The following KIAA1549L variants were observed in gnomAD, a reference collection of about 807,000 sequenced individuals.
KIAA1549L encodes KIAA1549 like, also known as UPF0606 protein KIAA1549L.
In KIAA1549L, 88 loss-of-function variants were observed where a neutral mutation model predicts 160.7. The ratio of observed to expected loss-of-function variants is 0.55; its 90% confidence interval spans 0.46 to 0.65. KIAA1549L has a LOEUF of 0.65. KIAA1549L is among the 30% of genes least tolerant of loss of function. The pLI is 0.00. For missense variants in KIAA1549L, 2,258 were observed against 2,437.5 expected (o/e 0.93, Z 1.55); for synonymous variants, 950 against 976.7 (o/e 0.97, Z 0.51).
At chr11:33,651,213 CGGA>C (rs1851873921) in intron 17 of KIAA1549L, among the ~76,000 whole-genome samples, 1 of 152,052 alleles carries the variant, frequency 6.6e-6, no homozygotes, top group Non-Finnish European at 1.5e-5. Context: ...AATAGTCAGG[CGGA>C]TCACAAGGTC....
intron 15 of KIAA1549L, among the ~76,000 whole-genome samples, chr11:33,616,928 C>T (rs958380836): frequency 3.9e-5 from 6 of 151,956 alleles, no homozygotes; most frequent in African/African-American, 9.7e-5. Flanking sequence ...CTCTTGAGCC[C>T]CAGAATTCGA....
Position 33,384,108 on chromosome 11 carries a change from C to T in KIAA1549L, c.238+7219C>T, listed in dbSNP as rs78108975. 1.7e-4 allele frequency among the ~76,000 whole-genome samples: 26 copies of T among 152,294 alleles called. No homozygotes were observed. The East Asian group carries it at 2.5e-3, about 15-fold the overall frequency. ...AACATTTCTGTCACCTCAAAAAGTTCCCTCCTGCCCCTTGCAGTTAATCCA... is the reference window on the plus strand; with the variant it reads ...AACATTTCTGTCACCTCAAAAAGTTTCCTCCTGCCCCTTGCAGTTAATCCA... On this transcript the variant is annotated intron_variant, in intron 1 of 20. Coordinates refer to ENST00000658780, the MANE Select transcript of KIAA1549L (RefSeq NM_012194.3).
At chr11:33,402,273 CCA>C (rs1850517294) in intron 1 of KIAA1549L, among the ~76,000 whole-genome samples, 2 of 152,176 alleles carry the variant, frequency 1.3e-5, no homozygotes, top group South Asian at 4.1e-4. Flanking sequence ...AAGCCAGAAA[CCA>C]CAGAGTCATC....
At chr11:33,476,103 GA>G (rs1362425308) in intron 1 of KIAA1549L, among the ~76,000 whole-genome samples, 3 of 152,236 alleles carry the variant, frequency 2.0e-5, no homozygotes, top group Non-Finnish European at 4.4e-5. Flanking sequence ...CGGCAAGTTT[GA>G]ATGCTTCTCA....
intron 1 of KIAA1549L, among the ~76,000 whole-genome samples, chr11:33,439,091 T>C (rs572484269): frequency 7.4e-4 from 113 of 152,228 alleles, no homozygotes; most frequent in African/African-American, 2.5e-3. Context: ...CACTCCTGGC[T>C]AATTTTTTTG....
At chr11:33,381,746 T>C (rs1314576352) in intron 1 of KIAA1549L, among the ~76,000 whole-genome samples, 1 of 152,158 alleles carries the variant, frequency 6.6e-6, no homozygotes, top group Non-Finnish European at 1.5e-5. Flanking sequence ...GTTATTGAAA[T>C]CAATCTGCAG....
chr11:33,579,479 C>T (rs1271052580), intron 10 of KIAA1549L, among the ~76,000 whole-genome samples: 7 of 152,158 alleles, frequency 4.6e-5, no homozygotes. Context: ...ATGGGTTCTT[C>T]TCAACCTTCA....
chr11:33,668,966 T>C lies in KIAA1549L; in HGVS notation c.*812T>C, dbSNP rs959793380. 6.6e-6 allele frequency: 1 copy of C among 152,202 alleles called. No individual in the cohort carries two copies. The highest frequency in any genetic ancestry group is 1.5e-5 in the Non-Finnish European group (1 of 68,028). The allele number at this position is 152,202 out of a possible 1,614,324, so 9.4% of individuals were successfully genotyped here. ...GAAACACAGTTATTTGTGAAGGTTT[T>C]TCTTTGCCTTGTTTTGAAGGTGGCC... On this transcript the variant is annotated 3_prime_UTR_variant, in exon 21 of 21. Transcript: ENST00000658780.
intron 9 of KIAA1549L, among the ~76,000 whole-genome samples, chr11:33,573,869 A>G (rs1293442834): frequency 6.6e-6 from 1 of 152,194 alleles, no homozygotes; most frequent in Non-Finnish European, 1.5e-5. Context: ...AAAATTAGTA[A>G]CAGTCTAAAT....
chr11:33,610,038 A>C, intron 15 of KIAA1549L, 72 bp downstream of exon 15: 1 of 1,154,660 alleles, frequency 8.7e-7, no homozygotes, highest in South Asian at 1.3e-5. Context: ...TGGGCAGTAT[A>C]TCCTGGTTCC....
In KIAA1549L at chr11:33,586,910, C is replaced by T. The variant is rs1424547564; in HGVS notation, c.4566+3409C>T. On this transcript the variant is annotated intron_variant, in intron 11 of 20. Transcript: ENST00000658780. ...TTATGTACTGTGTTTAGTACTGTGC[C>T]ATTGATATCAAATGAGGCTGAAACT... is the stretch of plus-strand genomic sequence containing the variant. Among the ~76,000 whole-genome samples the T allele has an allele frequency of 3.9e-5, 6 of 152,194 alleles. No individual in the cohort carries two copies. In the East Asian group the frequency reaches 1.2e-3, roughly 29 times the overall value.
At chr11:33,636,901 C>T (rs554524560) in intron 16 of KIAA1549L, among the ~76,000 whole-genome samples, 1 of 152,282 alleles carries the variant, frequency 6.6e-6, no homozygotes, top group South Asian at 2.1e-4. Context: ...CACACACATA[C>T]ATGTACAGCA....
intron 9 of KIAA1549L, among the ~76,000 whole-genome samples, chr11:33,573,148 G>A (rs75050925): frequency 0.019 from 2,829 of 152,178 alleles, 86 homozygotes; most frequent in African/African-American, 0.065. Context: ...TAATTGTTAT[G>A]TATAGCATAT....
At chr11:33,515,815 G>T (rs142304558) in intron 1 of KIAA1549L, among the ~76,000 whole-genome samples, 60 of 152,060 alleles carry the variant, frequency 3.9e-4, no homozygotes, top group African/African-American at 1.4e-3. Context: ...GAAAAGTAAC[G>T]TGATGCATCT....
chr11:33,565,182 C>G (rs371473936), intron 8 of KIAA1549L, among the ~76,000 whole-genome samples: 1 of 152,138 alleles, frequency 6.6e-6, no homozygotes, highest in Non-Finnish European at 1.5e-5. Context: ...ATGCCCCTTT[C>G]TGCTGCCTTC....
chr11:33,500,598 A>G (rs1156270415), intron 1 of KIAA1549L, among the ~76,000 whole-genome samples: 4 of 152,224 alleles, frequency 2.6e-5, no homozygotes, highest in Admixed American at 1.3e-4. Flanking sequence ...TCAGTAGTAC[A>G]GTAGGGAAAT....
intron 1 of KIAA1549L, among the ~76,000 whole-genome samples, chr11:33,470,601 T>G (rs1386850072): frequency 6.6e-6 from 1 of 151,946 alleles, no homozygotes; most frequent in Non-Finnish European, 1.5e-5. Context: ...GCTAATATTT[T>G]TGTGTGTGTT....
chr11:33,607,457 T>A (rs1850536561), intron 14 of KIAA1549L, among the ~76,000 whole-genome samples: 1 of 152,210 alleles, frequency 6.6e-6, no homozygotes, highest in Non-Finnish European at 1.5e-5. Flanking sequence ...AGGTAAAAAT[T>A]ATCTGCATTT....
intron 1 of KIAA1549L, among the ~76,000 whole-genome samples, chr11:33,525,110 G>C (rs1046089608): frequency 6.6e-6 from 1 of 152,158 alleles, no homozygotes; most frequent in Non-Finnish European, 1.5e-5. Flanking sequence ...AACAGTGTGT[G>C]GGGACTCAAA....
Sources: allele counts gnomAD v4.1 joint callset (sites outside exome capture counted in the v4.1 genomes callset), GRCh38; gene constraint gnomAD v4.1.1; transcripts MANE v1.5; gene names NCBI Gene and HGNC (gene_info 2026-07-23, HGNC 2026-07-21).